Variants in KALRN observed in about 807,000 individuals in gnomAD.
KALRN encodes kalirin.
In KALRN, 70 loss-of-function variants were observed where a neutral mutation model predicts 353.7. The ratio of observed to expected loss-of-function variants is 0.20; its 90% CI spans 0.16 to 0.24. KALRN has a LOEUF of 0.24. Ranked by LOEUF, KALRN falls within the 10% of genes least tolerant of loss-of-function variation. The probability of loss-of-function intolerance (pLI) is 1.00; values close to 1 mark genes in which losing one functional copy is unlikely to be tolerated. For synonymous variants in KALRN, 1,391 were observed against 1,434.8 expected, an observed-to-expected ratio of 0.97 and a Z score of 0.69; for missense variants, 2,791 against 3,756.7, an observed-to-expected ratio of 0.74 and a Z score of 6.72.
At chr3:124,370,721 T>C (rs2085720150) in intron 10 of KALRN, among the ~76,000 whole-genome samples, 1 of 152,260 alleles carries the variant, frequency 6.6e-6, no homozygotes, top group South Asian at 2.1e-4. Context: ...CATTAAAAAC[T>C]CTACTCTTGT....
intron 4 of KALRN, among the ~76,000 whole-genome samples, chr3:124,266,057 G>A (rs571461806): frequency 3.9e-5 from 6 of 152,188 alleles, no homozygotes; most frequent in Non-Finnish European, 8.8e-5. Flanking sequence ...GGAGGTTGCA[G>A]TGAGCTGAGA....
chr3:124,474,872 G>A, intron 26 of KALRN, 140 bp downstream of exon 26: 1 of 720,682 alleles, frequency 1.4e-6, no homozygotes, highest in Non-Finnish European at 2.5e-6. Flanking sequence ...TCTGAGAGAA[G>A]CCTTGGGAAA....
rs529552157 is a variant in KALRN at position 124,709,356 on chromosome 3, C to T, written c.8076-3579C>T. 3.3e-5 allele frequency among the ~76,000 whole-genome samples: 5 copies of T among 152,300 alleles called. No homozygotes were observed. In the South Asian group the frequency reaches 1.0e-3, roughly 32 times the overall value. On this transcript the variant is annotated intron_variant, in intron 57 of 59. Transcript: ENST00000682506. Reference sequence around the variant, plus strand: ...GCAGTGGCACAATCTTGGCTCACTGCAACCTCTGCCTCCCAAGTTCAAGTG... The same window carrying T: ...GCAGTGGCACAATCTTGGCTCACTGTAACCTCTGCCTCCCAAGTTCAAGTG...
intron 10 of KALRN, among the ~76,000 whole-genome samples, chr3:124,383,198 G>A (rs2087674448): frequency 6.6e-6 from 1 of 152,178 alleles, no homozygotes; most frequent in African/African-American, 2.4e-5. Context: ...ATTCCTAGAA[G>A]CCAAGACAAG....
At chr3:124,209,724 C>A (rs1412229363) in intron 1 of KALRN, among the ~76,000 whole-genome samples, 2 of 152,168 alleles carry the variant, frequency 1.3e-5, no homozygotes, top group Non-Finnish European at 2.9e-5. Flanking sequence ...TCTAGACTTG[C>A]AAACTTGATC....
At chr3:124,142,510 G>A (rs2066752933) in intron 1 of KALRN, among the ~76,000 whole-genome samples, 1 of 152,132 alleles carries the variant, frequency 6.6e-6, no homozygotes. Context: ...TCCCTTTTTG[G>A]TATTCATTGC....
At chr3:124,584,059 A>ATT (rs796275172) in intron 34 of KALRN, among the ~76,000 whole-genome samples, 1 of 150,090 alleles carries the variant, frequency 6.7e-6, no homozygotes, top group African/African-American at 2.4e-5. Context: ...ATTCTTTTAC[A>ATT]TTTTTTTTTT....
chr3:124,261,824 A>C (rs2072912029), intron 3 of KALRN, among the ~76,000 whole-genome samples: 1 of 152,220 alleles, frequency 6.6e-6, no homozygotes, highest in Admixed American at 6.5e-5. Context: ...GCCGAACCTG[A>C]CATAGTTGGG....
At chr3:124,035,196 C>A (rs1471442063) in intron 1 of KALRN, among the ~76,000 whole-genome samples, 1 of 152,038 alleles carries the variant, frequency 6.6e-6, no homozygotes, top group Non-Finnish European at 1.5e-5. Flanking sequence ...CCTCCTTCCT[C>A]TTCCGAGACA....
At chr3:124,377,425 T>G (rs1036855951) in intron 10 of KALRN, among the ~76,000 whole-genome samples, 1 of 152,170 alleles carries the variant, frequency 6.6e-6, no homozygotes, top group Non-Finnish European at 1.5e-5. Context: ...TTGTATGACT[T>G]GCATCTCTTT....
chr3:124,100,485 CT>C (rs1483927207), intron 1 of KALRN: 2 of 152,222 alleles, frequency 1.3e-5, no homozygotes, highest in East Asian at 3.9e-4. Flanking sequence ...AATTAGACCC[CT>C]ATCTCTCACC....
At chr3:124,696,562 A>G (rs1438845046) in intron 54 of KALRN, among the ~76,000 whole-genome samples, 1 of 152,218 alleles carries the variant, frequency 6.6e-6, no homozygotes, top group Non-Finnish European at 1.5e-5. Flanking sequence ...AAAAATTCAA[A>G]TAGAGACAGG....
rs746853235 is a variant in KALRN at position 124,650,838 on chromosome 3, T to C, written c.5695T>C (p.Leu1899=). 1 of 1,613,912 alleles carries C rather than the reference T, an allele frequency of 6.2e-7. No individual in the cohort carries two copies. The highest frequency in any genetic ancestry group is 8.5e-7 in the Non-Finnish European group (1 of 1,179,834). ...AGAAGGAAGCTCATACCGGGGGAGC[T>C]TGAAAGACCCTGCAGGCTGCCTGAA... The part of the protein sequence containing the change: ...SLEGSSYRGS[L]KDPAGCLNEG... The change falls in exon 38 of 60, where the codon TTG becomes CTG. Residue 1899 remains leucine (L), a synonymous_variant. Coordinates refer to ENST00000682506, the MANE Select transcript of KALRN (RefSeq NM_001388419.1).
chr3:124,211,567 C>A (rs570102575), intron 1 of KALRN, among the ~76,000 whole-genome samples: 66 of 152,320 alleles, frequency 4.3e-4, no homozygotes, highest in Middle Eastern at 6.8e-3. Flanking sequence ...GGTACAGGCC[C>A]ATGGGCTTAG....
At chr3:124,112,242 G>A (rs1055825343) in intron 1 of KALRN, among the ~76,000 whole-genome samples, 6 of 148,754 alleles carry the variant, frequency 4.0e-5, no homozygotes, top group Admixed American at 3.4e-4. Flanking sequence ...GGCAGAGACT[G>A]CAGTGAGCCT....
At chr3:124,665,940 T>A (rs2085550187) in intron 45 of KALRN, among the ~76,000 whole-genome samples, 1 of 152,148 alleles carries the variant, frequency 6.6e-6, no homozygotes, top group African/African-American at 2.4e-5. Flanking sequence ...CTTATCAGAG[T>A]ATCTGTGGTC....
chr3:124,592,705 T>A (rs73191633), intron 34 of KALRN, among the ~76,000 whole-genome samples: 5,351 of 152,282 alleles, frequency 0.035, 130 homozygotes, highest in East Asian at 0.074. Flanking sequence ...TCCCCCTCCC[T>A]TGTAGGTGAG....
intron 34 of KALRN, among the ~76,000 whole-genome samples, chr3:124,599,497 T>C (rs1031341478): frequency 6.6e-6 from 1 of 152,180 alleles, no homozygotes; most frequent in African/African-American, 2.4e-5. Flanking sequence ...CCCATCTGTC[T>C]CTCATTTCTG....
intron 1 of KALRN, among the ~76,000 whole-genome samples, chr3:124,208,077 T>G (rs1328598064): frequency 6.6e-6 from 1 of 152,230 alleles, no homozygotes; most frequent in African/African-American, 2.4e-5. Context: ...GTAGAACTAC[T>G]AAGTCAGCCC....
Sources: allele counts gnomAD v4.1 joint callset (sites outside exome capture counted in the v4.1 genomes callset), GRCh38; gene constraint gnomAD v4.1.1; transcripts MANE v1.5; gene names NCBI Gene and HGNC (gene_info 2026-07-23, HGNC 2026-07-21).